The following TBCK variants were observed in gnomAD, a reference collection of about 807,000 sequenced individuals.
The protein encoded by TBCK is TBC domain-containing protein kinase-like protein.
In TBCK, 99 loss-of-function variants were observed where a neutral mutation model predicts 113.4. That is an observed-to-expected ratio of 0.87 (90% CI 0.74 to 1.03). TBCK has a LOEUF of 1.03. TBCK is among the 50% of genes least tolerant of loss of function. TBCK has a pLI of 0.00. For missense variants in TBCK, 1,045 were observed against 1,061.3 expected, an observed-to-expected ratio of 0.98 and a Z score of 0.21; for synonymous variants, 369 against 370.8, an observed-to-expected ratio of 1.00 and a Z score of 0.05.
At chr4:106,302,915 G>A (rs2125875217) in intron 2 of TBCK, among the ~76,000 whole-genome samples, 1 of 152,136 alleles carries the variant, frequency 6.6e-6, no homozygotes, top group South Asian at 2.1e-4. Context: ...AAAATCTTTG[G>A]CAAAAAATTA....
intron 23 of TBCK, among the ~76,000 whole-genome samples, chr4:106,142,864 C>T (rs1747298106): frequency 6.6e-6 from 1 of 152,096 alleles, no homozygotes; most frequent in African/African-American, 2.4e-5. Flanking sequence ...TGAGTTAAGT[C>T]AGGCTGCAAA....
At chr4:106,258,431 TG>T (rs2150087150) in intron 5 of TBCK, among the ~76,000 whole-genome samples, 1 of 152,218 alleles carries the variant, frequency 6.6e-6, no homozygotes, top group South Asian at 2.1e-4. Flanking sequence ...ATGCCTTAGC[TG>T]TTTGATCACT....
chr4:106,119,606 A>T (rs1183225312), intron 23 of TBCK, among the ~76,000 whole-genome samples: 2 of 152,230 alleles, frequency 1.3e-5, no homozygotes, highest in African/African-American at 2.4e-5. Context: ...GGTCTGGGAA[A>T]TGATTGTTTG....
At chr4:106,315,767 C>G (rs1248912950) in intron 1 of TBCK, 164 bp downstream of exon 1, 1 of 152,358 alleles carries the variant, frequency 6.6e-6, no homozygotes, top group Non-Finnish European at 1.5e-5. Flanking sequence ...GAAAGGCGGG[C>G]TGTAGCTAGG....
intron 20 of TBCK, among the ~76,000 whole-genome samples, chr4:106,202,403 C>A (rs1181865480): frequency 6.6e-6 from 1 of 151,922 alleles, no homozygotes; most frequent in Non-Finnish European, 1.5e-5. Context: ...TGCCATCCTT[C>A]ATTTTTCTTT....
At chr4:106,254,569 A>C (rs540645761) in intron 5 of TBCK, among the ~76,000 whole-genome samples, 1 of 152,122 alleles carries the variant, frequency 6.6e-6, no homozygotes, top group Non-Finnish European at 1.5e-5. Context: ...TTTTTTCCTT[A>C]TACTTAATGA....
At chr4:106,120,145 C>T (rs1220688574) in intron 23 of TBCK, among the ~76,000 whole-genome samples, 1 of 152,176 alleles carries the variant, frequency 6.6e-6, no homozygotes, top group Non-Finnish European at 1.5e-5. Flanking sequence ...AAGGCATTGC[C>T]TCACTGGGGA....
At position 106,044,056 on chromosome 4, in the gene TBCK, CTAAA is replaced by C. The variant is rs1734009483; in HGVS notation, c.*2510_*2513del. The C allele has an allele frequency of 6.6e-6, 1 of 152,074 alleles. No homozygotes were observed. Among genetic ancestry groups the C allele is most frequent in the Admixed American group, 6.5e-5 (1 of 15,270 alleles). 9.4% of individuals were successfully genotyped at this position (152,074 alleles called of 1,614,324 possible). A position where few individuals can be genotyped will look rare whatever the true frequency, so the allele number is the denominator to read the frequency against. Reference sequence around the variant, plus strand: ...AAAACTTCAATTTCTTGGAATAAGCCTAAATGTGTCGTTTTAAGAAAGATCAAAT... The same window carrying C: ...AAAACTTCAATTTCTTGGAATAAGCCTGTGTCGTTTTAAGAAAGATCAAAT... On this transcript the variant is annotated 3_prime_UTR_variant, in exon 26 of 26. Coordinates refer to ENST00000394708, the MANE Select transcript of TBCK (RefSeq NM_001163435.3).
intron 25 of TBCK, among the ~76,000 whole-genome samples, chr4:106,084,920 G>A (rs1033110803): frequency 2.6e-5 from 4 of 152,134 alleles, no homozygotes; most frequent in African/African-American, 9.7e-5. Flanking sequence ...AGTCCTGCAA[G>A]AGCTCCTGAA....
rs1452851218 is a variant in TBCK, at chr4:106,251,511, T to A, written c.597+355A>T. Among the ~76,000 whole-genome samples, 5 of 152,080 alleles carry A rather than the reference T, an allele frequency of 3.3e-5. No individual in the cohort carries two copies. In the East Asian group the frequency reaches 7.7e-4, roughly 23 times the overall value. On this transcript the variant is annotated intron_variant, in intron 6 of 25. Transcript: ENST00000394708. ...CAATCTTACATTACTGTCATATCAA[T>A]CTTCTAAAAACGTAGTTTTCATTTC...
intron 20 of TBCK, among the ~76,000 whole-genome samples, chr4:106,207,325 T>G (rs1418022071): frequency 6.6e-6 from 1 of 152,172 alleles, no homozygotes; most frequent in Non-Finnish European, 1.5e-5. Context: ...AATGGAAGCC[T>G]GAATTTCAAT....
intron 23 of TBCK, 129 bp from the exon 24 acceptor site, chr4:106,116,507 A>C: frequency 1.2e-6 from 1 of 812,126 alleles, no homozygotes. Flanking sequence ...TAATTTTCAC[A>C]GTCTATTGTG....
chr4:106,186,456 G>C (rs898401743), intron 22 of TBCK, among the ~76,000 whole-genome samples: 32 of 152,056 alleles, frequency 2.1e-4, no homozygotes, highest in Non-Finnish European at 3.5e-4. Context: ...TCTCATTGTG[G>C]TTTTGATTTG....
chr4:106,092,962 G>A (rs896659564), intron 25 of TBCK, among the ~76,000 whole-genome samples: 11 of 152,312 alleles, frequency 7.2e-5, no homozygotes, highest in Admixed American at 5.2e-4. Flanking sequence ...CTCACCACCA[G>A]GCCAGCCTCC....
chr4:106,292,017 C>T (rs1199537037), intron 3 of TBCK, among the ~76,000 whole-genome samples: 1 of 152,136 alleles, frequency 6.6e-6, no homozygotes, highest in Non-Finnish European at 1.5e-5. Flanking sequence ...CTAATAAACA[C>T]CAAAGCTGCA....
In TBCK at chr4:106,140,021, T is replaced by C. The variant is rs1747000781; in HGVS notation, c.2236-23643A>G. On this transcript the variant is annotated intron_variant, in intron 23 of 25. Transcript: ENST00000394708. ...CAGCTATATAATAAGTGAATTGTAA[T>C]AGATGTATATAATAGATGAATTGTA... is the stretch of plus-strand genomic sequence containing the variant. 2.1e-5 allele frequency among the ~76,000 whole-genome samples: 3 copies of C among 141,048 alleles called. 1 individual carries two copies. Among genetic ancestry groups the C allele is most frequent in the Non-Finnish European group, 4.8e-5 (3 of 62,030 alleles). 92.5% of individuals were successfully genotyped at this position (141,048 alleles called of 152,430 possible). A position where few individuals can be genotyped will look rare whatever the true frequency, so the allele number is the denominator to read the frequency against.
At chr4:106,092,833 G>T (rs1390845870) in intron 25 of TBCK, among the ~76,000 whole-genome samples, 1 of 152,212 alleles carries the variant, frequency 6.6e-6, no homozygotes, top group African/African-American at 2.4e-5. Flanking sequence ...CCAGGAAGGG[G>T]CTCCCACAGT....
rs374877469 is a variant in TBCK at position 106,171,082 on chromosome 4, C to T, written c.2235+13G>A. 153 of 1,564,084 alleles carry T rather than the reference C, an allele frequency of 9.8e-5. No individual in the cohort carries two copies. Among genetic ancestry groups the T allele is most frequent in the African/African-American group, 3.0e-4 (22 of 72,296 alleles). ...CCTTTTAGAGTTTGTAAACTAAATCCGCAAATACATACCAGATCTGTCTTT... is the reference window on the plus strand; with the variant it reads ...CCTTTTAGAGTTTGTAAACTAAATCTGCAAATACATACCAGATCTGTCTTT... On this transcript the variant is annotated intron_variant, in intron 23 of 25. Coordinates refer to ENST00000394708, the MANE Select transcript of TBCK (RefSeq NM_001163435.3).
Position 106,230,410 on chromosome 4 carries a change from T to G in TBCK, c.1727A>C (p.Lys576Thr), listed in dbSNP as rs1164992502. 6.2e-7 allele frequency: 1 copy of G among 1,603,318 alleles called. No individual in the cohort carries two copies. The highest frequency in any genetic ancestry group is 2.2e-5 in the East Asian group (1 of 44,612). ...AYACMSAFIP[K>T]YLYNFFLKDN... ...TTTTAAGAAGAAGTTATACAGGTAT[T>G]TGGGAATAAAAGCAGACATACATGC... The change falls in exon 19 of 26, where the codon AAA becomes ACA. Residue 576 changes from lysine to threonine, a missense_variant. Transcript: ENST00000394708.
Sources: allele counts gnomAD v4.1 joint callset (sites outside exome capture counted in the v4.1 genomes callset), GRCh38; gene constraint gnomAD v4.1.1; transcripts MANE v1.5; gene names NCBI Gene and HGNC (gene_info 2026-07-23, HGNC 2026-07-21).